The following COL11A1 variants were observed in gnomAD, a reference collection of about 807,000 sequenced individuals.
COL11A1 encodes the protein collagen alpha-1(XI) chain.
COL11A1 carries 74 observed loss-of-function variants against 265.2 expected under a neutral mutation model. That is an observed-to-expected ratio of 0.28 (90% CI 0.23 to 0.34). The LOEUF is 0.34. COL11A1 is among the 10% of genes least tolerant of loss of function. The pLI is 1.00. For synonymous variants in COL11A1, 816 were observed against 727.6 expected, an observed-to-expected ratio of 1.12 and a Z score of -1.96; for missense variants, 2,165 against 2,263.6, an observed-to-expected ratio of 0.96 and a Z score of 0.88.
chr1:102,994,773 T>G (rs1416885430), intron 28 of COL11A1, among the ~76,000 whole-genome samples: 1 of 152,132 alleles, frequency 6.6e-6, no homozygotes, highest in Non-Finnish European at 1.5e-5. Context: ...TCTGAGTGTA[T>G]TAGTCCGCTT....
chr1:103,057,254 G>GA (rs1192714084), intron 4 of COL11A1, among the ~76,000 whole-genome samples: 2 of 151,968 alleles, frequency 1.3e-5, no homozygotes, highest in African/African-American at 2.4e-5. Flanking sequence ...TTCCATCTCA[G>GA]AAAAAAACAC....
chr1:102,942,753 CT>C (rs1163204038), intron 42 of COL11A1, among the ~76,000 whole-genome samples: 2 of 152,030 alleles, frequency 1.3e-5, no homozygotes, highest in Admixed American at 6.6e-5. Flanking sequence ...TTATTTCATC[CT>C]TTTTTATGGC....
At chr1:102,913,865 G>A (rs1036004340) in intron 52 of COL11A1, among the ~76,000 whole-genome samples, 175 bp from the exon 53 acceptor site, 2 of 151,776 alleles carry the variant, frequency 1.3e-5, no homozygotes, top group Admixed American at 6.6e-5. Flanking sequence ...CTCACTCTCC[G>A]CAAAAAAATT....
chr1:103,104,891 A>T (rs1571295058), intron 1 of COL11A1, among the ~76,000 whole-genome samples: 2 of 152,288 alleles, frequency 1.3e-5, no homozygotes, highest in South Asian at 4.1e-4. Flanking sequence ...GGACTAGCAC[A>T]TACTCTGGAA....
At chr1:102,997,166 A>T in intron 25 of COL11A1, 42 bp from the exon 26 acceptor site, 1 of 1,473,976 alleles carries the variant, frequency 6.8e-7, no homozygotes, top group Non-Finnish European at 9.5e-7. Context: ...TGTAATATAA[A>T]CATAGTTGAT....
At position 103,022,967 on chromosome 1, in the gene COL11A1, T is replaced by C; in HGVS notation, c.1020A>G (p.Glu340=). ...EPNPVEEIFT[E]EYLTGEDYDS... ...CATAATCCTCTCCCGTTAGATATTCTTCAGTAAATATTTCTTCAACTGGAT... is the reference window on the plus strand; with the variant it reads ...CATAATCCTCTCCCGTTAGATATTCCTCAGTAAATATTTCTTCAACTGGAT... Residue 340 remains glutamate (E), a synonymous_variant, in exon 8 of 67, where the codon GAA becomes GAG. Coordinates refer to ENST00000370096, the MANE Select transcript of COL11A1 (RefSeq NM_001854.4). 6.2e-7 allele frequency: 1 copy of C among 1,613,110 alleles called. No individual in the cohort carries two copies.
chr1:102,926,718 C>T (rs892054334), intron 46 of COL11A1, among the ~76,000 whole-genome samples: 1 of 152,014 alleles, frequency 6.6e-6, no homozygotes, highest in African/African-American at 2.4e-5. Context: ...CTACAAGACA[C>T]CTACTTTAAT....
Position 103,014,610 on chromosome 1 carries a change from A to G in COL11A1, c.1489-16T>C. On this transcript the variant is annotated splice_polypyrimidine_tract_variant and intron_variant, in intron 12 of 66. Transcript: ENST00000370096. Reference sequence around the variant, plus strand: ...CATAACGGAACTTGGAAGAGATAACATTAAGAAATTCAAAATTAGCTTTGT... The same window carrying G: ...CATAACGGAACTTGGAAGAGATAACGTTAAGAAATTCAAAATTAGCTTTGT... The G allele has an allele frequency of 1.9e-6, 3 of 1,607,372 alleles. No homozygotes were observed. Among genetic ancestry groups the G allele is most frequent in the Non-Finnish European group, 2.6e-6 (3 of 1,174,074 alleles).
chr1:103,050,988 C>T (rs934671941), intron 4 of COL11A1, among the ~76,000 whole-genome samples: 1 of 152,134 alleles, frequency 6.6e-6, no homozygotes, highest in African/African-American at 2.4e-5. Flanking sequence ...GTACCTGGCC[C>T]TGTGAGGTGT....
chr1:103,103,985 C>G (rs1175147978), intron 1 of COL11A1, among the ~76,000 whole-genome samples: 1 of 151,920 alleles, frequency 6.6e-6, no homozygotes, highest in East Asian at 1.9e-4. Flanking sequence ...TCAGAAAAAC[C>G]TTGAATATTA....
intron 1 of COL11A1, among the ~76,000 whole-genome samples, 185 bp downstream of exon 1, chr1:103,107,888 C>T (rs1322255962): frequency 2.0e-5 from 3 of 151,904 alleles, no homozygotes; most frequent in Non-Finnish European, 4.4e-5. Flanking sequence ...GTCCCGCCTA[C>T]ATTCATCTCT....
chr1:102,945,091 A>C (rs2101375555), intron 42 of COL11A1, among the ~76,000 whole-genome samples: 1 of 152,198 alleles, frequency 6.6e-6, no homozygotes, highest in African/African-American at 2.4e-5. Context: ...ATGTGTCACC[A>C]AAAAAACATC....
At chr1:103,101,184 G>T (rs1674235475) in intron 1 of COL11A1, among the ~76,000 whole-genome samples, 1 of 151,870 alleles carries the variant, frequency 6.6e-6, no homozygotes, top group Admixed American at 6.6e-5. Flanking sequence ...AATGGGCTTG[G>T]GGAGGTGGGA....
At chr1:102,913,558 G>A in intron 53 of COL11A1, 79 bp downstream of exon 53, 2 of 1,351,506 alleles carry the variant, frequency 1.5e-6, no homozygotes, top group South Asian at 1.2e-5. Context: ...TTTTTCAAAG[G>A]CTGATTACTT....
At chr1:102,897,556 T>A (rs1041173186) in intron 57 of COL11A1, among the ~76,000 whole-genome samples, 3 of 152,096 alleles carry the variant, frequency 2.0e-5, no homozygotes, top group African/African-American at 7.2e-5. Context: ...TCAGATCCTA[T>A]AATAAACTCC....
chr1:102,940,322 C>A lies in COL11A1; in HGVS notation c.3384+5G>T. The A allele has an allele frequency of 6.2e-7, 1 of 1,610,368 alleles. No homozygotes were observed. Among genetic ancestry groups the A allele is most frequent in the Non-Finnish European group, 8.5e-7 (1 of 1,176,732 alleles). On this transcript the variant is annotated splice_donor_5th_base_variant and intron_variant, in intron 43 of 66. Transcript: ENST00000370096. ...GATCTACTAACACGAATAATGAATA[C>A]CAACCTTGTCTCCGTCTTCCCCAGG...
At chr1:103,073,750 C>T (rs1411617498) in intron 4 of COL11A1, among the ~76,000 whole-genome samples, 2 of 151,838 alleles carry the variant, frequency 1.3e-5, no homozygotes, top group Admixed American at 1.3e-4. Flanking sequence ...TCTGAATGAA[C>T]ATTGTTCTGT....
intron 28 of COL11A1, among the ~76,000 whole-genome samples, chr1:102,993,126 C>T (rs1664299758): frequency 6.6e-6 from 1 of 152,156 alleles, no homozygotes; most frequent in South Asian, 2.1e-4. Flanking sequence ...CCTAGCCCCT[C>T]TAAAAATCCT....
chr1:102,992,710 G>T (rs1394400280), intron 28 of COL11A1, among the ~76,000 whole-genome samples: 1 of 151,828 alleles, frequency 6.6e-6, no homozygotes, highest in Non-Finnish European at 1.5e-5. Context: ...TTTACTACTT[G>T]ATTGGTATAT....
Sources: gnomAD v4.1 joint callset for allele counts (sites outside exome capture counted in the v4.1 genomes callset) on GRCh38, gnomAD v4.1.1 for gene constraint, MANE v1.5 for transcripts, NCBI Gene and HGNC (gene_info 2026-07-23, HGNC 2026-07-21) for gene names.